Variants in ZMIZ1 observed in about 807,000 individuals in gnomAD.
ZMIZ1 encodes the protein zinc finger MIZ-type containing 1, also known as zinc finger MIZ domain-containing protein 1.
Under a neutral mutation model 113.9 loss-of-function variants are expected in ZMIZ1, and 17 were observed. The ratio of observed to expected loss-of-function variants is 0.15; its 90% CI spans 0.10 to 0.22. The LOEUF is 0.22. Among genes scored for constraint, ZMIZ1 ranks in the 10% least tolerant of loss-of-function variants. The probability of loss-of-function intolerance (pLI) is 1.00; values close to 1 mark genes in which losing one functional copy is unlikely to be tolerated. For synonymous variants in ZMIZ1, 607 were observed against 603.1 expected, an observed-to-expected ratio of 1.01 and a Z score of -0.09; for missense variants, 1,059 against 1,477.8, an observed-to-expected ratio of 0.72 and a Z score of 4.65.
chr10:79,206,209 A>T (rs541782559), intron 5 of ZMIZ1, among the ~76,000 whole-genome samples: 1 of 152,142 alleles, frequency 6.6e-6, no homozygotes, highest in African/African-American at 2.4e-5. Context: ...GTGAGCTCTG[A>T]ACGCTGGTGA....
At chr10:79,088,693 A>G (rs1260583844) in intron 1 of ZMIZ1, among the ~76,000 whole-genome samples, 1 of 152,198 alleles carries the variant, frequency 6.6e-6, no homozygotes, top group African/African-American at 2.4e-5. Context: ...ATCTGCTGCA[A>G]TGCTGGCTGC....
Position 79,314,147 on chromosome 10 carries a change from A to G in ZMIZ1, c.*1398A>G, listed in dbSNP as rs983645384. The G allele has an allele frequency of 1.5e-5, 7 of 456,652 alleles. No individual in the cohort carries two copies. The highest frequency in any genetic ancestry group is 1.2e-4 in the Admixed American group (5 of 42,560). 28.3% of individuals were successfully genotyped at this position (456,652 alleles called of 1,614,324 possible). A position where few individuals can be genotyped will look rare whatever the true frequency, so the allele number is the denominator to read the frequency against. On this transcript the variant is annotated 3_prime_UTR_variant, in exon 25 of 25. Transcript: ENST00000334512. ...AAAAGCAGCCTCTGGCCTTCCCTCC[A>G]CCGCTTTGCTCCATCTGGCTTACCA... is the stretch of plus-strand genomic sequence containing the variant.
intron 7 of ZMIZ1, 136 bp from the exon 8 acceptor site, chr10:79,277,045 A>T: frequency 8.9e-7 from 1 of 1,119,430 alleles, no homozygotes; most frequent in Non-Finnish European, 1.2e-6. Context: ...AGGGCTGAGT[A>T]AGTCTTCTGG....
At chr10:79,106,139 C>T (rs911021335) in intron 1 of ZMIZ1, among the ~76,000 whole-genome samples, 3 of 152,226 alleles carry the variant, frequency 2.0e-5, no homozygotes, top group Non-Finnish European at 2.9e-5. Context: ...CAAATCCCCC[C>T]ACCCCCAGGC....
chr10:79,257,518 T>G (rs1288348946), intron 7 of ZMIZ1, among the ~76,000 whole-genome samples: 1 of 152,204 alleles, frequency 6.6e-6, no homozygotes, highest in Non-Finnish European at 1.5e-5. Context: ...CCTGCAGAGC[T>G]GGGGTGGGTC....
At chr10:79,281,258 G>C (rs1852724696) in intron 8 of ZMIZ1, among the ~76,000 whole-genome samples, 1 of 152,188 alleles carries the variant, frequency 6.6e-6, no homozygotes, top group South Asian at 2.1e-4. Flanking sequence ...AGCTAGTTGG[G>C]GAAATAAGAC....
chr10:79,154,898 A>G (rs1223776991), intron 3 of ZMIZ1, among the ~76,000 whole-genome samples: 1 of 152,150 alleles, frequency 6.6e-6, no homozygotes, highest in Admixed American at 6.5e-5. Flanking sequence ...CTGGGCAGCA[A>G]CCCTGAGCCA....
intron 4 of ZMIZ1, among the ~76,000 whole-genome samples, chr10:79,179,818 A>C (rs922371150): frequency 6.6e-6 from 1 of 152,256 alleles, no homozygotes; most frequent in Non-Finnish European, 1.5e-5. Flanking sequence ...ACAAGGGGGC[A>C]GAGGAGGGGC....
intron 5 of ZMIZ1, among the ~76,000 whole-genome samples, chr10:79,206,048 C>T (rs1163687210): frequency 2.0e-5 from 3 of 150,642 alleles, no homozygotes; most frequent in African/African-American, 7.4e-5. Context: ...ATTGAAGCTG[C>T]AGTGAGCTAT....
At chr10:79,129,084 C>T (rs1589307495) in intron 2 of ZMIZ1, among the ~76,000 whole-genome samples, 2 of 152,258 alleles carry the variant, frequency 1.3e-5, no homozygotes, top group African/African-American at 4.8e-5. Context: ...CAGCAGCCAC[C>T]TGCCGTTTGT....
At chr10:79,113,616 G>A (rs140812506) in intron 1 of ZMIZ1, among the ~76,000 whole-genome samples, 1 of 152,212 alleles carries the variant, frequency 6.6e-6, no homozygotes, top group Non-Finnish European at 1.5e-5. Context: ...CAGGCACCAC[G>A]CTATGCTGTG....
At chr10:79,076,301 G>T (rs915838823) in intron 1 of ZMIZ1, among the ~76,000 whole-genome samples, 1 of 152,186 alleles carries the variant, frequency 6.6e-6, no homozygotes, top group Non-Finnish European at 1.5e-5. Context: ...GCCCCCCTTA[G>T]CCACTCTTGA....
intron 8 of ZMIZ1, 131 bp downstream of exon 8, chr10:79,277,456 GTT>G: frequency 8.3e-7 from 1 of 1,210,250 alleles, no homozygotes; most frequent in Non-Finnish European, 1.1e-6. Flanking sequence ...AGGTGCAGTT[GTT>G]TTTTTACATC....
At chr10:79,268,987 G>T (rs1764741148) in intron 7 of ZMIZ1, among the ~76,000 whole-genome samples, 1 of 152,196 alleles carries the variant, frequency 6.6e-6, no homozygotes, top group Admixed American at 6.5e-5. Flanking sequence ...TGACCAGCGG[G>T]TGGGACAGGG....
At chr10:79,242,248 C>T (rs1849870967) in intron 7 of ZMIZ1, among the ~76,000 whole-genome samples, 1 of 152,150 alleles carries the variant, frequency 6.6e-6, no homozygotes, top group African/African-American at 2.4e-5. Context: ...TCGGCCACCA[C>T]AGGATGCAAT....
intron 2 of ZMIZ1, among the ~76,000 whole-genome samples, chr10:79,131,875 G>A (rs921424032): frequency 1.3e-5 from 2 of 152,122 alleles, no homozygotes; most frequent in South Asian, 2.1e-4. Context: ...GAAGTGGTGC[G>A]GTGTGATCTT....
chr10:79,311,004 A>G lies in ZMIZ1; in HGVS notation c.2916A>G (p.Ser972=). Residue 972 remains serine, a synonymous_variant, in exon 24 of 25, where the codon TCA becomes TCG. Coordinates refer to ENST00000334512, the MANE Select transcript of ZMIZ1 (RefSeq NM_020338.4). ...ACGTACCACACCCCAGCAGCCAGTC[A>G]GGGCCTCCATTACATCACAGTGGGG... ...GLHVPHPSSQ[S]GPPLHHSGAP... 1 of 1,613,884 alleles carries G rather than the reference A, an allele frequency of 6.2e-7. No individual in the cohort carries two copies. The highest frequency in any genetic ancestry group is 8.5e-7 in the Non-Finnish European group (1 of 1,179,984).
chr10:79,181,918 A>C (rs1220535751), intron 4 of ZMIZ1, among the ~76,000 whole-genome samples: 1 of 152,174 alleles, frequency 6.6e-6, no homozygotes, highest in Non-Finnish European at 1.5e-5. Flanking sequence ...GCTGCTGGAC[A>C]AGGCTGTCAT....
chr10:79,236,179 G>T (rs1169745365), intron 7 of ZMIZ1, among the ~76,000 whole-genome samples: 1 of 152,194 alleles, frequency 6.6e-6, no homozygotes, highest in East Asian at 1.9e-4. Flanking sequence ...TGCAGCCTGG[G>T]CCAGAGTGTG....
Sources: gnomAD v4.1 joint callset for allele counts (sites outside exome capture counted in the v4.1 genomes callset) on GRCh38, gnomAD v4.1.1 for gene constraint, MANE v1.5 for transcripts, NCBI Gene and HGNC (gene_info 2026-07-23, HGNC 2026-07-21) for gene names.